Variants in CAMKMT observed in about 807,000 individuals in gnomAD.
CAMKMT encodes CaM KMT.
In CAMKMT, 53 loss-of-function variants were observed where a neutral mutation model predicts 48.0. The observed-to-expected ratio is 1.10, with a 90% CI of 0.89 to 1.39. The LOEUF is 1.39. Ranked by LOEUF, CAMKMT falls within the 40% of genes most tolerant of loss-of-function variation. The probability of loss-of-function intolerance (pLI) is 0.00; values close to 1 mark genes in which losing one functional copy is unlikely to be tolerated. For synonymous variants in CAMKMT, 165 were observed against 152.3 expected (o/e 1.08, Z -0.61); for missense variants, 428 against 402.7 (o/e 1.06, Z -0.54).
chr2:44,383,570 T>A (rs1468185076), intron 2 of CAMKMT, among the ~76,000 whole-genome samples: 1 of 152,188 alleles, frequency 6.6e-6, no homozygotes, highest in Admixed American at 6.6e-5. Context: ...CTGTGAGATT[T>A]TGGTTCACCC....
At chr2:44,674,360 C>G (rs1290750324) in intron 3 of CAMKMT, among the ~76,000 whole-genome samples, 4 of 152,224 alleles carry the variant, frequency 2.6e-5, no homozygotes, top group Admixed American at 2.0e-4. Flanking sequence ...GTCTCCTCCA[C>G]TAGACTATCA....
At chr2:44,489,044 T>C (rs748073322) in intron 3 of CAMKMT, among the ~76,000 whole-genome samples, 1 of 151,872 alleles carries the variant, frequency 6.6e-6, no homozygotes, top group African/African-American at 2.4e-5. Context: ...TTTTAAACAT[T>C]GTTTTAGAAA....
intron 3 of CAMKMT, among the ~76,000 whole-genome samples, chr2:44,449,324 A>G (rs1667169343): frequency 1.3e-5 from 2 of 152,140 alleles, no homozygotes; most frequent in African/African-American, 2.4e-5. Context: ...AAATAAACCC[A>G]TGCATGTTAT....
At chr2:44,419,943 A>G (rs1350014135) in intron 3 of CAMKMT, among the ~76,000 whole-genome samples, 1 of 152,178 alleles carries the variant, frequency 6.6e-6, no homozygotes, top group East Asian at 1.9e-4. Context: ...CACAGTCATT[A>G]GACACAATAG....
chr2:44,431,045 C>A (rs939288770), intron 3 of CAMKMT, among the ~76,000 whole-genome samples: 1 of 152,100 alleles, frequency 6.6e-6, no homozygotes, highest in Non-Finnish European at 1.5e-5. Flanking sequence ...ATACATAATT[C>A]TCTTACAAAT....
chr2:44,596,906 A>G (rs1270784029), intron 3 of CAMKMT, among the ~76,000 whole-genome samples: 1 of 152,228 alleles, frequency 6.6e-6, no homozygotes, highest in Non-Finnish European at 1.5e-5. Flanking sequence ...ATTTGCTTCA[A>G]CCTTCATGAA....
intron 6 of CAMKMT, among the ~76,000 whole-genome samples, chr2:44,714,683 C>T (rs1029783821): frequency 6.6e-6 from 1 of 152,270 alleles, no homozygotes; most frequent in African/African-American, 2.4e-5. Flanking sequence ...GAGAGGCTTG[C>T]CTTTGGACTC....
chr2:44,539,305 A>G (rs930969163), intron 3 of CAMKMT, among the ~76,000 whole-genome samples: 2 of 149,850 alleles, frequency 1.3e-5, no homozygotes, highest in South Asian at 2.1e-4. Context: ...AAAAAAACCC[A>G]AAAAACTTCT....
At chr2:44,759,878 C>G (rs1250475123) in intron 9 of CAMKMT, among the ~76,000 whole-genome samples, 2 of 152,238 alleles carry the variant, frequency 1.3e-5, no homozygotes, top group Non-Finnish European at 2.9e-5. Context: ...AACATACACA[C>G]AGGTAGAACT....
chr2:44,496,378 A>G (rs750785015), intron 3 of CAMKMT, among the ~76,000 whole-genome samples: 4 of 152,224 alleles, frequency 2.6e-5, no homozygotes, highest in Non-Finnish European at 5.9e-5. Context: ...AACACTCCCT[A>G]CTGATTCAAA....
intron 7 of CAMKMT, among the ~76,000 whole-genome samples, chr2:44,725,342 A>C (rs750607453): frequency 2.0e-5 from 3 of 152,328 alleles, no homozygotes; most frequent in Admixed American, 1.3e-4. Flanking sequence ...GCAATGAAAT[A>C]TAATTTAGTG....
intron 3 of CAMKMT, among the ~76,000 whole-genome samples, chr2:44,410,169 A>G (rs1395963317): frequency 7.6e-6 from 1 of 132,430 alleles, no homozygotes; most frequent in Non-Finnish European, 1.6e-5. Flanking sequence ...AGAATGTGAG[A>G]GACCAGTAAT....
intron 3 of CAMKMT, chr2:44,456,662 T>C (rs955272496): frequency 2.0e-5 from 31 of 1,528,238 alleles, no homozygotes; most frequent in African/African-American, 9.7e-5. Flanking sequence ...ATGGGACTTA[T>C]AAGAAAAGAT....
intron 3 of CAMKMT, among the ~76,000 whole-genome samples, chr2:44,621,103 C>T (rs1214255048): frequency 1.3e-5 from 2 of 151,988 alleles, no homozygotes; most frequent in East Asian, 3.9e-4. Context: ...CCCGTCTCTA[C>T]TAAAAATACA....
At chr2:44,399,555 T>A (rs1323404863) in intron 3 of CAMKMT, among the ~76,000 whole-genome samples, 1 of 152,096 alleles carries the variant, frequency 6.6e-6, no homozygotes, top group Non-Finnish European at 1.5e-5. Flanking sequence ...ATTTCCCTTT[T>A]TTCCCTCTCT....
At chr2:44,573,896 CT>C (rs1278216128) in intron 3 of CAMKMT, among the ~76,000 whole-genome samples, 6 of 152,104 alleles carry the variant, frequency 3.9e-5, no homozygotes, top group African/African-American at 1.4e-4. Flanking sequence ...TCTGAATACT[CT>C]ATTATGTCTC....
intron 3 of CAMKMT, among the ~76,000 whole-genome samples, chr2:44,408,025 CTTTTT>C (rs58443811): frequency 1.9e-5 from 2 of 105,268 alleles, no homozygotes; most frequent in Non-Finnish European, 3.9e-5. Context: ...TAGAGCATGT[CTTTTT>C]TTTTTTTTTT....
intron 3 of CAMKMT, among the ~76,000 whole-genome samples, chr2:44,543,588 A>T (rs537847173): frequency 2.2e-4 from 34 of 152,178 alleles, no homozygotes; most frequent in African/African-American, 7.5e-4. Context: ...ATTTTTCTTT[A>T]TGTGCCGGGT....
rs1047319600 is a variant in CAMKMT, at chr2:44,601,619, C to A, written c.377-102664C>A. ...TAGCCTCTGTTCTCACATGTAGTGA[C>A]TTTTGTTATCAAATAATTCCATATA... On this transcript the variant is annotated intron_variant, in intron 3 of 10. Coordinates refer to ENST00000378494, the MANE Select transcript of CAMKMT (RefSeq NM_024766.5). Among the ~76,000 whole-genome samples, 22 of 152,102 alleles carry A rather than the reference C, an allele frequency of 1.4e-4. 1 individual carries two copies. The East Asian group carries it at 3.7e-3, about 25-fold the overall frequency.
Sources: allele counts gnomAD v4.1 joint callset (sites outside exome capture counted in the v4.1 genomes callset), GRCh38; gene constraint gnomAD v4.1.1; transcripts MANE v1.5; gene names NCBI Gene and HGNC (gene_info 2026-07-23, HGNC 2026-07-21).